The following DENND2B variants were observed in gnomAD, a reference collection of about 807,000 sequenced individuals.
DENND2B encodes DENN domain containing 2B.
DENND2B carries 32 observed loss-of-function variants against 116.0 expected under a neutral mutation model. That is an observed-to-expected ratio of 0.28 (90% CI 0.21 to 0.37). The LOEUF is 0.37. Among genes scored for constraint, DENND2B ranks in the 10% least tolerant of loss-of-function variants. The pLI is 1.00. For synonymous variants in DENND2B, 588 were observed against 583.9 expected (o/e 1.01, Z -0.10); for missense variants, 1,276 against 1,477.7 (o/e 0.86, Z 2.24).
intron 1 of DENND2B, among the ~76,000 whole-genome samples, chr11:8,804,581 G>C (rs2060666211): frequency 7.8e-6 from 1 of 128,788 alleles, no homozygotes; most frequent in East Asian, 2.4e-4. Flanking sequence ...GTCTTGCTCT[G>C]TCGCCCAGGC....
At chr11:8,880,761 T>C (rs1000242106) in intron 2 of DENND2B, among the ~76,000 whole-genome samples, 1 of 152,202 alleles carries the variant, frequency 6.6e-6, no homozygotes, top group African/African-American at 2.4e-5. Context: ...TACTGAATAC[T>C]GCTCAACAAT....
chr11:8,804,934 C>G (rs2060711871), intron 1 of DENND2B, among the ~76,000 whole-genome samples: 1 of 152,222 alleles, frequency 6.6e-6, no homozygotes, highest in Admixed American at 6.5e-5. Context: ...CTTCAAAATG[C>G]TGCTGTAAGT....
chr11:8,883,241 T>C (rs1403430048), intron 1 of DENND2B, among the ~76,000 whole-genome samples: 1 of 152,172 alleles, frequency 6.6e-6, no homozygotes, highest in Non-Finnish European at 1.5e-5. Flanking sequence ...CTCTTTAGAA[T>C]ATATGACCCA....
At chr11:8,718,499 C>G (rs927545822) in intron 4 of DENND2B, 16 of 1,464,378 alleles carry the variant, frequency 1.1e-5, no homozygotes, top group Admixed American at 2.3e-5. Flanking sequence ...CGGAACGGAA[C>G]AGTGATTAGC....
intron 1 of DENND2B, among the ~76,000 whole-genome samples, chr11:8,889,465 G>A (rs763635988): frequency 1.2e-4 from 19 of 152,232 alleles, no homozygotes; most frequent in African/African-American, 2.4e-4. Flanking sequence ...CCCGGGAAAC[G>A]CAAGGGTCAG....
rs139289174 is a variant in DENND2B at position 8,856,625 on chromosome 11, C to T, written c.-156+718G>A. On this transcript the variant is annotated intron_variant, in intron 3 of 6. Transcript: ENST00000524757. ...AAGGTTGGTTGGAAGTCCCTGGATG[C>T]CTGACTCCCCAACCACTATATTGGG... Among the ~76,000 whole-genome samples, 329 of 152,270 alleles carry T rather than the reference C, an allele frequency of 2.2e-3. 12 individuals carry two copies. The highest frequency in any genetic ancestry group is 0.015 in the Admixed American group (222 of 15,300).
At chr11:8,797,452 T>C (rs2059919183) in intron 1 of DENND2B, among the ~76,000 whole-genome samples, 3 of 117,038 alleles carry the variant, frequency 2.6e-5, no homozygotes, top group South Asian at 3.4e-4. Flanking sequence ...TTCCCCCTTC[T>C]TCCTCCTTCT....
At chr11:8,843,146 G>T (rs2062683869) in intron 3 of DENND2B, among the ~76,000 whole-genome samples, 1 of 151,962 alleles carries the variant, frequency 6.6e-6, no homozygotes, top group South Asian at 2.1e-4. Flanking sequence ...CCTCCTGAGG[G>T]GCTGGGATTA....
rs759022754 is a variant in DENND2B at position 8,725,375 on chromosome 11, C to CTT, written c.1477+696_1477+697dup. 2.8e-4 allele frequency among the ~76,000 whole-genome samples: 23 copies of CTT among 82,164 alleles called. 2 individuals carry two copies. Among genetic ancestry groups the CTT allele is most frequent in the African/African-American group, 5.7e-4 (14 of 24,380 alleles). The allele number at this position is 82,164 out of a possible 152,430, so 53.9% of individuals were successfully genotyped here. On this transcript the variant is annotated intron_variant, in intron 4 of 19. Transcript: ENST00000313726. ...CTAACAATAACCTTATGAAATATTA[C>CTT]TTTTTTTTTTTTTTTTGAGACGGAG...
At chr11:8,825,242 T>C (rs1266070745) in intron 4 of DENND2B, among the ~76,000 whole-genome samples, 1 of 152,252 alleles carries the variant, frequency 6.6e-6, no homozygotes, top group Non-Finnish European at 1.5e-5. Flanking sequence ...TGGTATCTCA[T>C]TGTGGTTTTG....
chr11:8,903,691 G>T (rs1489100992), intron 1 of DENND2B, among the ~76,000 whole-genome samples: 2 of 151,670 alleles, frequency 1.3e-5, no homozygotes, highest in Non-Finnish European at 2.9e-5. Flanking sequence ...ACCAGCCTGG[G>T]CAACATGGCA....
intron 11 of DENND2B, chr11:8,708,188 T>G (rs139576919): frequency 1.3e-5 from 17 of 1,261,938 alleles, no homozygotes; most frequent in Non-Finnish European, 1.7e-5. Context: ...TGTGGATTCA[T>G]AGCCCTGAGG....
intron 1 of DENND2B, among the ~76,000 whole-genome samples, chr11:8,759,743 A>T (rs1193722936): frequency 6.6e-6 from 1 of 152,204 alleles, no homozygotes; most frequent in Non-Finnish European, 1.5e-5. Flanking sequence ...CCTGCCCAGC[A>T]AACATCTCCT....
At chr11:8,846,496 AG>A (rs970705792) in intron 3 of DENND2B, among the ~76,000 whole-genome samples, 4 of 152,168 alleles carry the variant, frequency 2.6e-5, no homozygotes, top group African/African-American at 9.7e-5. Context: ...CACAATGGGG[AG>A]GAGGGGAGAA....
chr11:8,840,501 C>T (rs1010797851), intron 3 of DENND2B, among the ~76,000 whole-genome samples: 2 of 152,174 alleles, frequency 1.3e-5, no homozygotes, highest in Non-Finnish European at 2.9e-5. Context: ...CCTCCCAGCA[C>T]CAACGCAATG....
chr11:8,735,668 G>T (rs2048900515), intron 2 of DENND2B, among the ~76,000 whole-genome samples: 1 of 152,150 alleles, frequency 6.6e-6, no homozygotes, highest in African/African-American at 2.4e-5. Context: ...ATGCTCTTAT[G>T]GGGGCACCCC....
intron 1 of DENND2B, among the ~76,000 whole-genome samples, chr11:8,762,409 TC>T (rs1313772653): frequency 6.6e-6 from 1 of 152,174 alleles, no homozygotes; most frequent in African/African-American, 2.4e-5. Flanking sequence ...TCCAGGCCCA[TC>T]TCTAGTTACC....
At chr11:8,902,594 C>T (rs1005571100) in intron 1 of DENND2B, among the ~76,000 whole-genome samples, 1 of 151,992 alleles carries the variant, frequency 6.6e-6, no homozygotes, top group Non-Finnish European at 1.5e-5. Flanking sequence ...CTTTTTTTGG[C>T]AAGGGGAGTC....
intron 4 of DENND2B, among the ~76,000 whole-genome samples, chr11:8,725,405 ACTCATGT>A (rs2133893371): frequency 6.8e-6 from 1 of 146,954 alleles, no homozygotes; most frequent in Non-Finnish European, 1.5e-5. Flanking sequence ...ACGGAGTTTC[ACTCATGT>A]TGCCCAGGCA....
Sources: allele counts gnomAD v4.1 joint callset (sites outside exome capture counted in the v4.1 genomes callset), GRCh38; gene constraint gnomAD v4.1.1; transcripts MANE v1.5; gene names NCBI Gene and HGNC (gene_info 2026-07-23, HGNC 2026-07-21).